GYS2: variants seen among roughly 807,000 people sequenced by gnomAD.
GYS2 encodes glycogen [starch] synthase, liver.
In GYS2, 80 loss-of-function variants were observed where a neutral mutation model predicts 85.6. That is an observed-to-expected ratio of 0.93 (90% CI 0.78 to 1.13). The LOEUF is 1.13. Among genes scored for constraint, GYS2 ranks in the 50% most tolerant of loss-of-function variants. The pLI is 0.00. For synonymous variants in GYS2, 328 were observed against 300.7 expected (o/e 1.09, Z -0.94); for missense variants, 881 against 854.9 (o/e 1.03, Z -0.38).
intron 11 of GYS2, among the ~76,000 whole-genome samples, chr12:21,551,535 A>G (rs557635643): frequency 6.6e-6 from 1 of 152,164 alleles, no homozygotes; most frequent in African/African-American, 2.4e-5. Flanking sequence ...AAAAGTCTGA[A>G]GTCTTTGTTT....
intron 1 of GYS2, among the ~76,000 whole-genome samples, chr12:21,597,017 C>T (rs879766006): frequency 2.6e-5 from 4 of 151,864 alleles, no homozygotes; most frequent in Non-Finnish European, 4.4e-5. Flanking sequence ...CAAAAATGGC[C>T]TAATACAACC....
intron 1 of GYS2, among the ~76,000 whole-genome samples, chr12:21,594,988 A>G (rs1944679169): frequency 6.6e-6 from 1 of 152,180 alleles, no homozygotes; most frequent in African/African-American, 2.4e-5. Flanking sequence ...AAGAATATAC[A>G]TTGAGGAAAG....
chr12:21,560,849 T>C (rs1944244694), intron 7 of GYS2, among the ~76,000 whole-genome samples: 3 of 152,160 alleles, frequency 2.0e-5, no homozygotes, highest in Admixed American at 1.3e-4. Flanking sequence ...GTTAAAAAAA[T>C]AGCATGAATG....
chr12:21,595,398 T>C (rs1455035756), intron 1 of GYS2, among the ~76,000 whole-genome samples: 4 of 152,270 alleles, frequency 2.6e-5, no homozygotes, highest in Admixed American at 2.6e-4. Flanking sequence ...ACACTCCCAC[T>C]GGAGAAACTG....
At chr12:21,565,956 A>G (rs969902546) in intron 5 of GYS2, among the ~76,000 whole-genome samples, 1 of 152,198 alleles carries the variant, frequency 6.6e-6, no homozygotes, top group African/African-American at 2.4e-5. Flanking sequence ...TGACTATATT[A>G]AAGGGAAAAT....
Position 21,546,443 on chromosome 12 carries a change from A to G in GYS2, c.1450T>C (p.Ser484Pro). Residue 484 changes from serine to proline, a missense_variant, in exon 12 of 16, where the codon TCC (serine) becomes CCC (proline). Transcript: ENST00000261195. ...TCCATGGGTAGTAAGGGACTGGTGG[A>G]GGATAGAAACTCTGGGTGCAAAATC... Reference protein sequence around the residue: ...KVILHPEFLSSTSPLLPMDYE... With the variant: ...KVILHPEFLSPTSPLLPMDYE... 6.3e-7 allele frequency: 1 copy of G among 1,598,300 alleles called. No individual in the cohort carries two copies. The highest frequency in any genetic ancestry group is 8.6e-7 in the Non-Finnish European group (1 of 1,166,982).
At position 21,599,097 on chromosome 12, in the gene GYS2, T is replaced by C. The variant is rs561114578; in HGVS notation, c.121+5375A>G. Among the ~76,000 whole-genome samples the C allele has an allele frequency of 5.9e-5, 9 of 152,124 alleles. No individual in the cohort carries two copies. In the East Asian group the frequency reaches 1.7e-3, roughly 29 times the overall value. ...TCTCTCTCTCTCTCTCCCCCATCTC[T>C]CTCTGTCTCTCTCTCTATATATATG... On this transcript the variant is annotated intron_variant, in intron 1 of 15. Transcript: ENST00000261195.
chr12:21,533,918 G>A (rs181118487), downstream of GYS2, among the ~76,000 whole-genome samples: 99 of 152,268 alleles, frequency 6.5e-4, no homozygotes, highest in Middle Eastern at 3.4e-3. Context: ...CATAGATGGC[G>A]CTTTCTTGCT....
chr12:21,598,272 A>G (rs77058673), intron 1 of GYS2, among the ~76,000 whole-genome samples: 1,534 of 152,224 alleles, frequency 0.01, 24 homozygotes, highest in African/African-American at 0.035. Flanking sequence ...TGACTTGATC[A>G]TTATACATTA....
intron 1 of GYS2, among the ~76,000 whole-genome samples, chr12:21,589,474 G>A (rs1944610468): frequency 6.6e-6 from 1 of 152,130 alleles, no homozygotes; most frequent in African/African-American, 2.4e-5. Context: ...CTGACTAAGG[G>A]CAGCTGACAC....
rs1271855136 is a variant in GYS2, at chr12:21,604,511, A to G, written c.82T>C (p.Leu28=). ...WEVEELPVEE[L]LLFEVAWEVT... is the part of the protein sequence containing the mutation. Reference sequence around the variant, plus strand: ...TCCCAAGCAACTTCAAAGAGCAGTAACTCCTCCACAGGAAGTTCTTCGACT... The same window carrying G: ...TCCCAAGCAACTTCAAAGAGCAGTAGCTCCTCCACAGGAAGTTCTTCGACT... Residue 28 remains leucine (L), a synonymous_variant, in exon 1 of 16, where the codon TTA becomes CTA. Coordinates refer to ENST00000261195, the MANE Select transcript of GYS2 (RefSeq NM_021957.4). 3 of 1,612,582 alleles carry G rather than the reference A, an allele frequency of 1.9e-6. No individual in the cohort carries two copies. Among genetic ancestry groups the G allele is most frequent in the East Asian group, 4.5e-5 (2 of 44,848 alleles).
intron 11 of GYS2, among the ~76,000 whole-genome samples, chr12:21,553,588 C>T (rs767248606): frequency 4.6e-5 from 7 of 152,122 alleles, no homozygotes; most frequent in African/African-American, 1.7e-4. Context: ...GAATCCCTAT[C>T]CCTATTAATA....
intron 2 of GYS2, among the ~76,000 whole-genome samples, chr12:21,579,616 C>T (rs1000351336): frequency 3.3e-5 from 5 of 152,122 alleles, no homozygotes; most frequent in African/African-American, 1.2e-4. Flanking sequence ...CCATCTTGGC[C>T]TCCCAAAGTG....
At chr12:21,590,366 T>G (rs1464825051) in intron 1 of GYS2, among the ~76,000 whole-genome samples, 1 of 152,150 alleles carries the variant, frequency 6.6e-6, no homozygotes, top group African/African-American at 2.4e-5. Flanking sequence ...GACAGCCTTG[T>G]GCCATCCACC....
At chr12:21,540,138 T>C (rs2136837497) in intron 14 of GYS2, among the ~76,000 whole-genome samples, 1 of 152,312 alleles carries the variant, frequency 6.6e-6, no homozygotes, top group East Asian at 1.9e-4. Flanking sequence ...CTTATACCAG[T>C]AACACATCAA....
At chr12:21,587,439 A>G (rs1407932927) in intron 1 of GYS2, among the ~76,000 whole-genome samples, 2 of 152,044 alleles carry the variant, frequency 1.3e-5, no homozygotes, top group South Asian at 4.1e-4. Flanking sequence ...AGAGGAGGTT[A>G]CTCTCATGCT....
intron 1 of GYS2, among the ~76,000 whole-genome samples, chr12:21,603,374 C>G (rs1944774480): frequency 6.6e-6 from 1 of 152,016 alleles, no homozygotes; most frequent in Admixed American, 6.6e-5. Context: ...CACACGAGAA[C>G]TTTGAACAGT....
Position 21,562,924 on chromosome 12 carries a change from C to A in GYS2, c.1056G>T (p.Leu352=), listed in dbSNP as rs1591792375. The A allele has an allele frequency of 5.6e-6, 9 of 1,611,876 alleles. No homozygotes were observed. In the East Asian group the frequency reaches 2.0e-4, roughly 36 times the overall value. The change falls in exon 7 of 16, where the codon CTG becomes CTT. Residue 352 remains leucine, a synonymous_variant. Transcript: ENST00000261195. ...FLESLSRLNF[L]LRMHKSDITV... is the part of the protein sequence containing the mutation. ...TGTCCTAGAGCTTTCTTACCCTCAG[C>A]AGGAAATTTAGCCTGGATAAGGATT...
At chr12:21,560,623 C>T in intron 7 of GYS2, 131 bp from the exon 8 acceptor site, 2 of 656,670 alleles carry the variant, frequency 3.0e-6, no homozygotes, top group Non-Finnish European at 2.7e-6. Flanking sequence ...TTATGTTTCA[C>T]AGAGAGATTA....
Sources: allele counts gnomAD v4.1 joint callset (sites outside exome capture counted in the v4.1 genomes callset), GRCh38; gene constraint gnomAD v4.1.1; transcripts MANE v1.5; gene names NCBI Gene and HGNC (gene_info 2026-07-23, HGNC 2026-07-21).